Variants in AHCTF1 observed in about 807,000 individuals in gnomAD.
The protein encoded by AHCTF1 is AT-hook containing transcription factor 1, also known as protein ELYS.
In AHCTF1, 24 loss-of-function variants were observed where a neutral mutation model predicts 248.4. The observed-to-expected ratio is 0.10, with a 90% CI of 0.07 to 0.14. The LOEUF (loss-of-function observed/expected upper bound fraction) is 0.14. Ranked by LOEUF, AHCTF1 falls within the 10% of genes least tolerant of loss-of-function variation. AHCTF1 has a pLI of 1.00. For synonymous variants in AHCTF1, 786 were observed against 929.8 expected (o/e 0.85, Z 2.81); for missense variants, 2,206 against 2,636.2 (o/e 0.84, Z 3.57).
At chr1:246,859,158 T>G (rs1321241271) in intron 29 of AHCTF1, among the ~76,000 whole-genome samples, 4 of 152,254 alleles carry the variant, frequency 2.6e-5, no homozygotes, top group Non-Finnish European at 5.9e-5. Flanking sequence ...ATGCCCATGC[T>G]TACTAAGTAA....
At chr1:246,912,183 A>C (rs965811997) in intron 4 of AHCTF1, among the ~76,000 whole-genome samples, 1 of 152,122 alleles carries the variant, frequency 6.6e-6, no homozygotes, top group African/African-American at 2.4e-5. Context: ...GCTTGCTTTA[A>C]AAATCAAGAA....
At chr1:246,894,543 A>G in intron 14 of AHCTF1, 116 bp downstream of exon 14, 2 of 882,278 alleles carry the variant, frequency 2.3e-6, no homozygotes, top group Non-Finnish European at 3.4e-6. Context: ...CTCAGTCTCA[A>G]AAAAAGAAAA....
intron 24 of AHCTF1, among the ~76,000 whole-genome samples, chr1:246,870,723 C>CAAAAAAAAA (rs11340560): frequency 9.1e-6 from 1 of 110,164 alleles, no homozygotes; most frequent in African/African-American, 3.2e-5. Context: ...TATAAAACCT[C>CAAAAAAAAA]AAAAAAAAAA....
rs957545241 is a variant in AHCTF1, at chr1:246,839,347, C to T, written c.*1459G>A. 6.2e-5 allele frequency: 11 copies of T among 176,806 alleles called. No homozygotes were observed. Among genetic ancestry groups the T allele is most frequent in the African/African-American group, 1.9e-4 (8 of 41,830 alleles). 11.0% of individuals were successfully genotyped at this position (176,806 alleles called of 1,614,324 possible). On this transcript the variant is annotated 3_prime_UTR_variant, in exon 36 of 36. Transcript: ENST00000648844. ...GCATCCATGTTTATTGTGCTACTTG[C>T]GCAAAGGAATTGTTTACTGAATTAT...
chr1:246,861,375 T>G, intron 28 of AHCTF1, 80 bp from the exon 29 acceptor site: 1 of 1,226,860 alleles, frequency 8.2e-7, no homozygotes, highest in Non-Finnish European at 1.1e-6. Flanking sequence ...ATCCCAATCA[T>G]ACCCATACTT....
At chr1:246,879,748 G>T (rs1009397283) in intron 21 of AHCTF1, among the ~76,000 whole-genome samples, 1 of 151,878 alleles carries the variant, frequency 6.6e-6, no homozygotes, top group Non-Finnish European at 1.5e-5. Context: ...AAATCGGCTT[G>T]AACCCAGGAG....
intron 10 of AHCTF1, 94 bp downstream of exon 10, chr1:246,899,971 C>A: frequency 8.0e-7 from 1 of 1,253,454 alleles, no homozygotes; most frequent in Non-Finnish European, 1.1e-6. Flanking sequence ...GAGATACAAA[C>A]AGATAACACT....
At chr1:246,908,156 T>C (rs900934315) in intron 4 of AHCTF1, among the ~76,000 whole-genome samples, 1 of 152,038 alleles carries the variant, frequency 6.6e-6, no homozygotes. Flanking sequence ...AAAATGAGCC[T>C]GGTACATCTT....
At chr1:246,916,480 T>TGGA (rs1432173483) in intron 2 of AHCTF1, 85 bp from the exon 3 acceptor site, 1 of 1,201,498 alleles carries the variant, frequency 8.3e-7, no homozygotes, top group Non-Finnish European at 1.2e-6. Context: ...TACAACTATA[T>TGGA]GTTCATTACA....
At chr1:246,915,543 T>G (rs1446154326) in intron 3 of AHCTF1, among the ~76,000 whole-genome samples, 1 of 152,196 alleles carries the variant, frequency 6.6e-6, no homozygotes, top group African/African-American at 2.4e-5. Context: ...CCAACTCTTT[T>G]GACTAGAAAT....
At chr1:246,854,873 C>T (rs950279419) in intron 31 of AHCTF1, among the ~76,000 whole-genome samples, 3 of 152,216 alleles carry the variant, frequency 2.0e-5, no homozygotes, top group African/African-American at 7.2e-5. Context: ...CCTCTTCCAA[C>T]ATATCGGGAG....
chr1:246,856,978 C>T (rs928530932), intron 30 of AHCTF1, among the ~76,000 whole-genome samples: 11 of 152,086 alleles, frequency 7.2e-5, no homozygotes, highest in Non-Finnish European at 4.4e-5. Context: ...TTTTTGTATC[C>T]TCTACAACGG....
At chr1:246,922,415 G>A (rs116831211) in intron 1 of AHCTF1, among the ~76,000 whole-genome samples, 2,618 of 151,292 alleles carry the variant, frequency 0.017, 79 homozygotes, top group African/African-American at 0.06. Context: ...ACAGTATTCT[G>A]TTGCGGTTTT....
intron 20 of AHCTF1, among the ~76,000 whole-genome samples, chr1:246,886,346 A>AT (rs1399949330): frequency 6.6e-6 from 1 of 152,184 alleles, no homozygotes; most frequent in African/African-American, 2.4e-5. Flanking sequence ...AAATAAATAA[A>AT]AATAAAAAAT....
intron 4 of AHCTF1, among the ~76,000 whole-genome samples, chr1:246,911,872 T>A (rs1185174421): frequency 1.3e-5 from 2 of 152,196 alleles, no homozygotes; most frequent in Non-Finnish European, 2.9e-5. Context: ...ATTTAAGTTT[T>A]GTTCAGATGA....
intron 6 of AHCTF1, among the ~76,000 whole-genome samples, chr1:246,905,234 TCA>T (rs1351672526): frequency 2.6e-5 from 4 of 152,206 alleles, no homozygotes; most frequent in Non-Finnish European, 5.9e-5. Flanking sequence ...TCGTGGTGAC[TCA>T]CACCTGTAAT....
At chr1:246,912,304 A>G (rs576259660) in intron 4 of AHCTF1, among the ~76,000 whole-genome samples, 53 of 151,330 alleles carry the variant, frequency 3.5e-4, no homozygotes, top group African/African-American at 9.9e-4. Flanking sequence ...GTGAAACCCC[A>G]TCTCTACTAA....
At chr1:246,918,130 T>C in intron 2 of AHCTF1, 120 bp downstream of exon 2, 1 of 904,470 alleles carries the variant, frequency 1.1e-6, no homozygotes, top group Non-Finnish European at 1.5e-6. Context: ...ATGTTACATA[T>C]TTAAGATCAC....
chr1:246,867,243 C>A lies in AHCTF1; in HGVS notation c.3347+1G>T, dbSNP rs141409693. ...CTAAGAATGATTTAATAAACTCTTACCTAGAAATTTTTTGTGATGCTTTTG... is the reference window on the plus strand; with the variant it reads ...CTAAGAATGATTTAATAAACTCTTAACTAGAAATTTTTTGTGATGCTTTTG... On this transcript the variant is annotated splice_donor_variant, in intron 26 of 35. Transcript: ENST00000648844. LOFTEE classifies it high-confidence loss of function. 1,655 of 1,566,878 alleles carry A rather than the reference C, an allele frequency of 1.1e-3. 4 individuals are homozygous for A. Among genetic ancestry groups the A allele is most frequent in the Non-Finnish European group, 1.3e-3 (1,467 of 1,147,326 alleles).
Sources: gnomAD v4.1 joint callset for allele counts (sites outside exome capture counted in the v4.1 genomes callset) on GRCh38, gnomAD v4.1.1 for gene constraint, MANE v1.5 for transcripts, NCBI Gene and HGNC (gene_info 2026-07-23, HGNC 2026-07-21) for gene names.